The following VPS13B variants were observed in gnomAD, a reference collection of about 807,000 sequenced individuals.
VPS13B encodes the protein intermembrane lipid transfer protein VPS13B.
VPS13B carries 285 observed loss-of-function variants against 426.4 expected under a neutral mutation model. That is an observed-to-expected ratio of 0.67 (90% confidence interval 0.61 to 0.74). VPS13B has a LOEUF of 0.74. Among genes scored for constraint, VPS13B ranks in the 30% least tolerant of loss-of-function variants. VPS13B has a pLI of 0.00. For synonymous variants in VPS13B, 1,676 were observed against 1,676.4 expected (o/e 1.00, Z 0.01); for missense variants, 4,537 against 4,782.6 (o/e 0.95, Z 1.51).
intron 58 of VPS13B, among the ~76,000 whole-genome samples, chr8:99,862,258 T>C (rs551939588): frequency 3.3e-5 from 5 of 152,354 alleles, no homozygotes; most frequent in African/African-American, 1.2e-4. Flanking sequence ...CATCCAGCTG[T>C]TGGCTTTCTG....
At chr8:99,248,548 A>T (rs1817339389) in intron 17 of VPS13B, among the ~76,000 whole-genome samples, 1 of 152,178 alleles carries the variant, frequency 6.6e-6, no homozygotes, top group South Asian at 2.1e-4. Flanking sequence ...AATATGTATT[A>T]GTCCATAAAG....
At position 99,408,316 on chromosome 8, in the gene VPS13B, A is replaced by T. The variant is rs542253676; in HGVS notation, c.3082+16612A>T. Among the ~76,000 whole-genome samples, 4 of 152,286 alleles carry T rather than the reference A, an allele frequency of 2.6e-5. No individual in the cohort carries two copies. The East Asian group carries it at 7.7e-4, about 29-fold the overall frequency. The stretch of plus-strand genomic sequence containing the variant: ...GCCATATGGCTCTTGGCCATAGTGT[A>T]TATCTATAATCATGGTAACTTTGCC... On this transcript the variant is annotated intron_variant, in intron 21 of 61. Transcript: ENST00000357162.
At chr8:99,416,761 A>G (rs955749957) in intron 21 of VPS13B, among the ~76,000 whole-genome samples, 4 of 152,070 alleles carry the variant, frequency 2.6e-5, no homozygotes, top group Non-Finnish European at 5.9e-5. Context: ...CTGCCTAACC[A>G]GTCCCAGTGA....
chr8:99,520,690 T>G (rs920146813), intron 29 of VPS13B, among the ~76,000 whole-genome samples: 1 of 152,150 alleles, frequency 6.6e-6, no homozygotes, highest in African/African-American at 2.4e-5. Context: ...TTGTGTATTT[T>G]AACAGGAAAC....
intron 34 of VPS13B, among the ~76,000 whole-genome samples, chr8:99,644,810 T>A (rs929334104): frequency 1.3e-5 from 2 of 152,284 alleles, no homozygotes; most frequent in East Asian, 3.9e-4. Flanking sequence ...AGGAGGCAAG[T>A]AATTAAAATA....
At chr8:99,243,132 A>G (rs1396749752) in intron 17 of VPS13B, among the ~76,000 whole-genome samples, 1 of 152,252 alleles carries the variant, frequency 6.6e-6, no homozygotes, top group African/African-American at 2.4e-5. Context: ...CACATCTCCC[A>G]GTGGTTGACC....
chr8:99,406,749 T>G (rs2133348062), intron 21 of VPS13B, among the ~76,000 whole-genome samples: 1 of 152,276 alleles, frequency 6.6e-6, no homozygotes, highest in East Asian at 1.9e-4. Context: ...ATGATGAACT[T>G]TAGGTTATAT....
At chr8:99,365,162 T>G (rs1474763723) in intron 19 of VPS13B, among the ~76,000 whole-genome samples, 1 of 149,842 alleles carries the variant, frequency 6.7e-6, no homozygotes, top group Non-Finnish European at 1.5e-5. Context: ...TATCTTACCT[T>G]TTTTTTTTTC....
chr8:99,025,231 G>A (rs1842077224), intron 2 of VPS13B, among the ~76,000 whole-genome samples: 1 of 151,878 alleles, frequency 6.6e-6, no homozygotes, highest in Admixed American at 6.6e-5. Context: ...TGCAAATAGG[G>A]ACAGTTTGAC....
chr8:99,768,053 C>T (rs1054170404), intron 40 of VPS13B, among the ~76,000 whole-genome samples: 2 of 152,228 alleles, frequency 1.3e-5, no homozygotes, highest in Admixed American at 6.5e-5. Context: ...TTCTAGCTTA[C>T]ACACATTTGC....
chr8:99,624,008 T>TATATATA (rs61596072), intron 33 of VPS13B, among the ~76,000 whole-genome samples: 733 of 71,356 alleles, frequency 0.01, 2 homozygotes, highest in Non-Finnish European at 0.011. Context: ...TATATATATA[T>TATATATA]TTTTTTTTTT....
chr8:99,287,385 CAT>C (rs374790764), intron 19 of VPS13B, among the ~76,000 whole-genome samples: 25 of 151,966 alleles, frequency 1.6e-4, no homozygotes, highest in Admixed American at 4.6e-4. Context: ...TATCTACACA[CAT>C]GAGAGTTTCC....
At chr8:99,084,587 A>T (rs1004276475) in intron 3 of VPS13B, among the ~76,000 whole-genome samples, 1 of 152,148 alleles carries the variant, frequency 6.6e-6, no homozygotes, top group East Asian at 1.9e-4. Context: ...TCTTGTGGGC[A>T]TTTAGCGCTA....
intron 35 of VPS13B, chr8:99,696,005 A>T (rs1249127667): frequency 6.6e-6 from 1 of 152,406 alleles, no homozygotes; most frequent in Admixed American, 6.5e-5. Context: ...GAGTGGAGCA[A>T]ATGTTCCATT....
chr8:99,340,718 G>T (rs1588270189), intron 19 of VPS13B: 1 of 363,588 alleles, frequency 2.8e-6, no homozygotes, highest in East Asian at 7.8e-5. Context: ...TTCAGGAGCA[G>T]CCTGGGGCAT....
intron 31 of VPS13B, among the ~76,000 whole-genome samples, chr8:99,569,380 G>T (rs926519072): frequency 2.7e-5 from 4 of 150,240 alleles, no homozygotes; most frequent in African/African-American, 9.8e-5. Context: ...AGTGAGCCAA[G>T]ATCATGCCAC....
At chr8:99,169,188 G>C (rs191506414) in intron 15 of VPS13B, among the ~76,000 whole-genome samples, 2 of 152,044 alleles carry the variant, frequency 1.3e-5, no homozygotes, top group Admixed American at 6.5e-5. Flanking sequence ...TAAATGTTGA[G>C]ATTAAGCTAC....
At chr8:99,052,516 A>G (rs1468735960) in intron 3 of VPS13B, among the ~76,000 whole-genome samples, 5 of 129,224 alleles carry the variant, frequency 3.9e-5, no homozygotes, top group African/African-American at 1.4e-4. Context: ...TCTCTGCCAG[A>G]CTTTGGTATC....
chr8:99,463,786 G>A lies in VPS13B; in HGVS notation c.3446-3628G>A, dbSNP rs191297090. On this transcript the variant is annotated intron_variant, in intron 23 of 61. Coordinates refer to ENST00000357162, the MANE Select transcript of VPS13B (RefSeq NM_152564.5). ...CGGTTCACTGGAGCCTCCGCCTCCC[G>A]AGTTTAAGCAATTCTCCTGCCTCAG... Among the ~76,000 whole-genome samples, 311 of 152,148 alleles carry A rather than the reference G, an allele frequency of 2.0e-3. 2 individuals are homozygous for A. The highest frequency in any genetic ancestry group is 8.8e-3 in the Admixed American group (134 of 15,274).
Sources: gnomAD v4.1 joint callset for allele counts (sites outside exome capture counted in the v4.1 genomes callset) on GRCh38, gnomAD v4.1.1 for gene constraint, MANE v1.5 for transcripts, NCBI Gene and HGNC (gene_info 2026-07-23, HGNC 2026-07-21) for gene names.